The following MED24 variants were observed in gnomAD, a reference collection of about 807,000 sequenced individuals.
The protein encoded by MED24 is mediator of RNA polymerase II transcription subunit 24.
In MED24, 74 loss-of-function variants were observed where a neutral mutation model predicts 118.8. The observed-to-expected ratio is 0.62, with a 90% CI of 0.52 to 0.76. The LOEUF is 0.76. MED24 is among the 30% of genes least tolerant of loss of function. The probability of loss-of-function intolerance (pLI) is 0.00; values close to 1 mark genes in which losing one functional copy is unlikely to be tolerated. For missense variants in MED24, 1,041 were observed against 1,278.9 expected (o/e 0.81, Z 2.84); for synonymous variants, 521 against 523.9 (o/e 0.99, Z 0.08).
At chr17:40,034,853 C>CGGGGGGGGGGGGGGGGGGGGGGGGG in intron 6 of MED24, 1 of 309,118 alleles carries the variant, frequency 3.2e-6, no homozygotes, top group Non-Finnish European at 6.0e-6. Context: ...CTTTGGTAGC[C>CGGGGGGGGGGGGGGGGGGGGGGGGG]CCCCACCCCC....
At chr17:40,041,759 C>T (rs1273033466) in intron 3 of MED24, among the ~76,000 whole-genome samples, 3 of 152,184 alleles carry the variant, frequency 2.0e-5, no homozygotes, top group Non-Finnish European at 4.4e-5. Context: ...CAAATTGTTT[C>T]AATGCCACTT....
chr17:40,030,507 G>A (rs1450567125), intron 12 of MED24, among the ~76,000 whole-genome samples: 1 of 151,530 alleles, frequency 6.6e-6, no homozygotes, highest in South Asian at 2.1e-4. Flanking sequence ...CGTTGGCCAG[G>A]CTGGTCTCAA....
intron 3 of MED24, among the ~76,000 whole-genome samples, chr17:40,051,876 T>A (rs1306884628): frequency 1.3e-5 from 2 of 151,860 alleles, no homozygotes; most frequent in East Asian, 3.9e-4. Flanking sequence ...TGAGCCGAGA[T>A]CAAGCCATTG....
At position 40,053,617 on chromosome 17, in the gene MED24, T is replaced by C; in HGVS notation, c.-19A>G. ...CCTTCATTATTTCACTCTGAGCAGG[T>C]GGCAGCGGTGGCGGCCAGCTTTGAG... On this transcript the variant is annotated 5_prime_UTR_variant, in exon 2 of 26. Coordinates refer to ENST00000394128, the MANE Select transcript of MED24 (RefSeq NM_014815.4). The C allele has an allele frequency of 6.2e-7, 1 of 1,613,972 alleles. No homozygotes were observed. The highest frequency in any genetic ancestry group is 8.5e-7 in the Non-Finnish European group (1 of 1,180,026).
At chr17:40,036,203 T>C (rs551852536) in intron 3 of MED24, 49 bp from the exon 4 acceptor site, 3 of 1,558,594 alleles carry the variant, frequency 1.9e-6, no homozygotes, top group South Asian at 2.2e-5. Context: ...TCTCCCACAG[T>C]TGAGAGGAAC....
intron 23 of MED24, among the ~76,000 whole-genome samples, chr17:40,021,678 C>T (rs1223724251): frequency 9.8e-6 from 1 of 102,356 alleles, no homozygotes; most frequent in Non-Finnish European, 2.2e-5. Flanking sequence ...TCCCCTCAAC[C>T]CTGGGGTAAG....
chr17:40,052,914 C>T (rs1438757317), intron 3 of MED24, among the ~76,000 whole-genome samples: 4 of 152,046 alleles, frequency 2.6e-5, no homozygotes, highest in Non-Finnish European at 4.4e-5. Flanking sequence ...GACAATTGTA[C>T]AACTGCACCC....
At chr17:40,042,637 C>T (rs2144957368) in intron 3 of MED24, among the ~76,000 whole-genome samples, 1 of 152,272 alleles carries the variant, frequency 6.6e-6, no homozygotes, top group South Asian at 2.1e-4. Flanking sequence ...CGAGATCGCA[C>T]CACTGCACTC....
At position 40,035,152 on chromosome 17, in the gene MED24, C is replaced by T. The variant is rs937319726; in HGVS notation, c.524G>A (p.Arg175Gln). 12 of 1,614,076 alleles carry T rather than the reference C, an allele frequency of 7.4e-6. No individual in the cohort carries two copies. Among genetic ancestry groups the T allele is most frequent in the South Asian group, 1.1e-5 (1 of 91,068 alleles). The change falls in exon 6 of 26, where the codon CGG (arginine) becomes CAG (glutamine). Residue 175 changes from arginine (R) to glutamine (Q), a missense_variant. Physicochemically the swap from Arg to Gln is conservative, Grantham distance 43. This residue lies in a region of MED24 where 434 missense variants were observed against 514.9 expected (regional missense o/e 0.84). Coordinates refer to ENST00000394128, the MANE Select transcript of MED24 (RefSeq NM_014815.4). ...LEKTLSSTKN[R>Q]ALLHIAKLEE... ...TAGTTTGGCGATGTGCAGCAGGGCCCGGTTCTTGGTGCTGCTGAGGGTTTT... is the reference window on the plus strand; with the variant it reads ...TAGTTTGGCGATGTGCAGCAGGGCCTGGTTCTTGGTGCTGCTGAGGGTTTT...
chr17:40,053,215 A>G (rs565708777), intron 3 of MED24, 83 bp downstream of exon 3: 25 of 1,315,708 alleles, frequency 1.9e-5, no homozygotes, highest in Non-Finnish European at 2.6e-5. Flanking sequence ...GATTACAGCC[A>G]TGAACCACCG....
At chr17:40,032,272 C>T (rs904458009) in intron 9 of MED24, 182 bp from the exon 10 acceptor site, 1 of 671,506 alleles carries the variant, frequency 1.5e-6, no homozygotes, top group South Asian at 1.8e-5. Context: ...CCTGATGCCC[C>T]CAGGCCTAGG....
Position 40,019,837 on chromosome 17 carries a change from C to G in MED24, c.2801G>C (p.Cys934Ser). Residue 934 changes from cysteine (C) to serine (S), a missense_variant, in exon 25 of 26, where the codon TGC becomes TCC. Physicochemically the swap from Cys to Ser is moderately radical, Grantham distance 112 (BLOSUM62 -1). This residue lies in a region of MED24 where 587 missense variants were observed against 694.4 expected (regional missense o/e 0.85). Transcript: ENST00000394128. ...GCTGCCACGGCCACCCTGCTCCAGG[C>G]AGTCCACACACTCCTCCATGAACCA... ...VQWFMEECVD[C>S]LEQGGRGSVL... 6.3e-7 allele frequency: 1 copy of G among 1,599,878 alleles called. No homozygotes were observed. The highest frequency in any genetic ancestry group is 1.1e-5 in the South Asian group (1 of 89,222).
chr17:40,036,029 C>A, intron 4 of MED24, 87 bp downstream of exon 4: 1 of 1,435,242 alleles, frequency 7.0e-7, no homozygotes, highest in South Asian at 1.2e-5. Context: ...GCCTATCCAG[C>A]CTCACGGGTC....
Position 40,020,282 on chromosome 17 carries a change from G to C in MED24, c.2695C>G (p.Arg899Gly), listed in dbSNP as rs1168375950. The C allele has an allele frequency of 1.9e-6, 3 of 1,545,454 alleles. No individual in the cohort carries two copies. Among genetic ancestry groups the C allele is most frequent in the Non-Finnish European group, 2.6e-6 (3 of 1,146,144 alleles). The stretch of plus-strand genomic sequence containing the variant: ...GGGGTGGGGAACTCACCCAGGACTC[G>C]GTTCAGAGGGTCCCGCATGTTGACC... ...HTVNMRDPLN[R>G]VLANLFLLIS... The change falls in exon 24 of 26, where the codon CGA (arginine) becomes GGA (glycine). Residue 899 changes from arginine (R) to glycine (G), a missense_variant. This residue lies in a region of MED24 where 587 missense variants were observed against 694.4 expected (regional missense o/e 0.85). Transcript: ENST00000394128.
At chr17:40,028,538 TTAATAAC>T (rs200976174) in intron 14 of MED24, among the ~76,000 whole-genome samples, 3,939 of 152,306 alleles carry the variant, frequency 0.026, 81 homozygotes, top group Non-Finnish European at 0.038. Flanking sequence ...GAGCCCCTTA[TTAATAAC>T]TGGGCATACT....
intron 3 of MED24, among the ~76,000 whole-genome samples, chr17:40,047,664 A>T (rs760427331): frequency 2.0e-5 from 3 of 149,292 alleles, no homozygotes; most frequent in Non-Finnish European, 3.0e-5. Flanking sequence ...TCCATCTCAT[A>T]AAAAAAAACA....
At chr17:40,050,747 T>C (rs903725287) in intron 3 of MED24, among the ~76,000 whole-genome samples, 1 of 151,794 alleles carries the variant, frequency 6.6e-6, no homozygotes, top group African/African-American at 2.4e-5. Flanking sequence ...GGGGTGAGGG[T>C]TGAAAAATTA....
intron 14 of MED24, chr17:40,028,167 G>A (rs1982940622): frequency 4.3e-5 from 21 of 485,370 alleles, no homozygotes; most frequent in South Asian, 4.2e-4. Context: ...CCAGGCTGGA[G>A]TGCAGTGGCA....
chr17:40,026,089 G>A, intron 19 of MED24, 67 bp downstream of exon 19: 1 of 1,512,924 alleles, frequency 6.6e-7, no homozygotes, highest in African/African-American at 1.4e-5. Flanking sequence ...AGGGGTGCTT[G>A]TTATTGGATG....
Sources: allele counts gnomAD v4.1 joint callset (sites outside exome capture counted in the v4.1 genomes callset), GRCh38; gene constraint gnomAD v4.1.1; regional missense constraint gnomAD v4.1.1; transcripts MANE v1.5; gene names NCBI Gene and HGNC (gene_info 2026-07-23, HGNC 2026-07-21).